The following LRRC7 variants were observed in gnomAD, a reference collection of about 807,000 sequenced individuals.
LRRC7 encodes the protein leucine-rich repeat-containing protein 7.
Under a neutral mutation model 175.7 loss-of-function variants are expected in LRRC7, and 23 were observed. The ratio of observed to expected loss-of-function variants is 0.13; its 90% CI spans 0.09 to 0.19. The LOEUF is 0.19. Among genes scored for constraint, LRRC7 ranks in the 10% least tolerant of loss-of-function variants. The probability of loss-of-function intolerance (pLI) is 1.00; values close to 1 mark genes in which losing one functional copy is unlikely to be tolerated. For synonymous variants in LRRC7, 685 were observed against 680.9 expected, an observed-to-expected ratio of 1.01 and a Z score of -0.09; for missense variants, 1,354 against 1,904.7, an observed-to-expected ratio of 0.71 and a Z score of 5.38.
At chr1:69,927,360 G>T (rs577270417) in intron 7 of LRRC7, among the ~76,000 whole-genome samples, 8 of 151,868 alleles carry the variant, frequency 5.3e-5, no homozygotes, top group Admixed American at 1.3e-4. Flanking sequence ...GGCCTGCCTT[G>T]CTAGATTGGG....
intron 26 of LRRC7, among the ~76,000 whole-genome samples, chr1:70,108,123 C>T (rs1665269294): frequency 6.7e-6 from 1 of 150,020 alleles, no homozygotes. Context: ...ATATATTAAT[C>T]TATGCATAGT....
chr1:69,790,487 G>A (rs10789302), intron 3 of LRRC7, among the ~76,000 whole-genome samples: 72,784 of 151,776 alleles, frequency 0.48, 18,427 homozygotes, highest in African/African-American at 0.64. Flanking sequence ...GTGTTTTGAA[G>A]ATCATTAGCC....
At chr1:69,570,361 G>A (rs1184186331) in intron 1 of LRRC7, among the ~76,000 whole-genome samples, 1 of 152,014 alleles carries the variant, frequency 6.6e-6, no homozygotes, top group Non-Finnish European at 1.5e-5. Context: ...GAAATAGAGG[G>A]AAAATAAGCA....
intron 7 of LRRC7, among the ~76,000 whole-genome samples, chr1:69,883,005 G>C (rs1686793577): frequency 6.6e-6 from 1 of 151,958 alleles, no homozygotes; most frequent in Non-Finnish European, 1.5e-5. Flanking sequence ...TCTTAATCCA[G>C]TTTATCATTG....
chr1:69,927,429 T>G (rs1647118129), intron 7 of LRRC7, among the ~76,000 whole-genome samples: 1 of 152,208 alleles, frequency 6.6e-6, no homozygotes, highest in South Asian at 2.1e-4. Context: ...ATTCTCCCCG[T>G]CACTTTCAGG....
intron 2 of LRRC7, among the ~76,000 whole-genome samples, chr1:69,732,594 AAGATT>A (rs1274028464): frequency 6.6e-6 from 1 of 152,034 alleles, no homozygotes; most frequent in African/African-American, 2.4e-5. Flanking sequence ...ATAATCTAGA[AAGATT>A]AGATTTAAGT....
At chr1:69,854,561 C>G (rs1199283346) in intron 7 of LRRC7, among the ~76,000 whole-genome samples, 1 of 151,954 alleles carries the variant, frequency 6.6e-6, no homozygotes, top group Non-Finnish European at 1.5e-5. Flanking sequence ...GATAAACTAC[C>G]TATTTTTAAA....
In LRRC7 at chr1:69,568,528, C is replaced by G; in HGVS notation, c.-112C>G. The G allele has an allele frequency of 9.5e-7, 1 of 1,047,714 alleles. No homozygotes were observed. Among genetic ancestry groups the G allele is most frequent in the Non-Finnish European group, 1.3e-6 (1 of 769,524 alleles). 64.9% of individuals were successfully genotyped at this position (1,047,714 alleles called of 1,614,324 possible). On this transcript the variant is annotated 5_prime_UTR_variant, in exon 1 of 27. Coordinates refer to ENST00000651989, the MANE Select transcript of LRRC7 (RefSeq NM_001370785.2). ...CTACTCCTTCCCTCCTCTTCTCCTC[C>G]GAAGACCCTGGCGCCCACTCCACTG...
intron 25 of LRRC7, among the ~76,000 whole-genome samples, chr1:70,090,144 C>A (rs1287720780): frequency 6.6e-6 from 1 of 152,080 alleles, no homozygotes; most frequent in Non-Finnish European, 1.5e-5. Flanking sequence ...TAGACAATTT[C>A]TAACAAGTTG....
intron 1 of LRRC7, among the ~76,000 whole-genome samples, chr1:69,671,198 G>C (rs1283797172): frequency 3.9e-5 from 6 of 152,044 alleles, no homozygotes; most frequent in African/African-American, 1.4e-4. Context: ...GGTTATTCAG[G>C]GCCCAGGGGC....
Position 69,788,931 on chromosome 1 carries a change from C to T in LRRC7, c.304-3112C>T, listed in dbSNP as rs574573911. 7.4e-4 allele frequency among the ~76,000 whole-genome samples: 113 copies of T among 152,192 alleles called. 1 individual carries two copies. The highest frequency in any genetic ancestry group is 2.6e-3 in the African/African-American group (108 of 41,524). ...TATTAAAGTATAAAGAATCTGGGCT[C>T]AAGTATAGTTGTTTCCCCGCACTTA... is the stretch of plus-strand genomic sequence containing the variant. On this transcript the variant is annotated intron_variant, in intron 3 of 26. Coordinates refer to ENST00000651989, the MANE Select transcript of LRRC7 (RefSeq NM_001370785.2).
chr1:69,836,886 A>T (rs570767892), intron 6 of LRRC7, among the ~76,000 whole-genome samples: 77 of 151,362 alleles, frequency 5.1e-4, no homozygotes, highest in African/African-American at 1.9e-3. Flanking sequence ...AGGCAAAAAA[A>T]AAAGAAAGGA....
intron 1 of LRRC7, among the ~76,000 whole-genome samples, chr1:69,659,902 G>T (rs970796328): frequency 6.6e-6 from 1 of 151,760 alleles, no homozygotes; most frequent in African/African-American, 2.4e-5. Context: ...CAAAAGAAGA[G>T]AAGAAAAGCA....
At position 69,693,538 on chromosome 1, in the gene LRRC7, A is replaced by T. The variant is rs189278901; in HGVS notation, c.100+15060A>T. 1.3e-4 allele frequency among the ~76,000 whole-genome samples: 20 copies of T among 152,306 alleles called. No homozygotes were observed. The East Asian group carries it at 3.5e-3, about 26-fold the overall frequency. ...TGCTAGCAGAAATACTTTCTATAGA[A>T]AGGTTGGTCTTTTTCTGTTAATGCC... On this transcript the variant is annotated intron_variant, in intron 2 of 26. Transcript: ENST00000651989.
intron 7 of LRRC7, among the ~76,000 whole-genome samples, chr1:69,901,260 A>G (rs771498476): frequency 2.6e-5 from 4 of 152,202 alleles, no homozygotes; most frequent in Non-Finnish European, 5.9e-5. Context: ...AAGAGAGTAC[A>G]CATTCAAGAG....
At position 70,123,370 on chromosome 1, in the gene LRRC7, A is replaced by G. The variant is rs906170613; in HGVS notation, c.*1483A>G. The G allele has an allele frequency of 3.9e-5, 6 of 152,168 alleles. No individual in the cohort carries two copies. Among genetic ancestry groups the G allele is most frequent in the South Asian group, 2.1e-4 (1 of 4,830 alleles). The allele number at this position is 152,168 out of a possible 1,614,324, so 9.4% of individuals were successfully genotyped here. On this transcript the variant is annotated 3_prime_UTR_variant, in exon 27 of 27. Coordinates refer to ENST00000651989, the MANE Select transcript of LRRC7 (RefSeq NM_001370785.2). ...ATTGTATGAGGATTTTCACAATAGT[A>G]TCACTGAATGATGTCACCAGAGCTC... is the stretch of plus-strand genomic sequence containing the variant.
chr1:69,819,577 C>CTCTCTGTGTG (rs1553160548), intron 4 of LRRC7, among the ~76,000 whole-genome samples: 42 of 114,968 alleles, frequency 3.7e-4, no homozygotes, highest in Admixed American at 2.1e-3. Flanking sequence ...CTCTCTCTCT[C>CTCTCTGTGTG]TGTGTGTGTG....
At chr1:69,846,034 A>G (rs1682324730) in intron 7 of LRRC7, among the ~76,000 whole-genome samples, 1 of 152,158 alleles carries the variant, frequency 6.6e-6, no homozygotes, top group Non-Finnish European at 1.5e-5. Context: ...TTAGAGAATT[A>G]TACATAGAAA....
chr1:69,947,998 C>T (rs1484884231), intron 8 of LRRC7, among the ~76,000 whole-genome samples: 1 of 151,998 alleles, frequency 6.6e-6, no homozygotes, highest in Non-Finnish European at 1.5e-5. Flanking sequence ...AACCTGATAA[C>T]TGAGAAGGTT....
Sources: allele counts gnomAD v4.1 joint callset (sites outside exome capture counted in the v4.1 genomes callset), GRCh38; gene constraint gnomAD v4.1.1; transcripts MANE v1.5; gene names NCBI Gene and HGNC (gene_info 2026-07-23, HGNC 2026-07-21).